Variants in MCF2L2 observed in about 807,000 individuals in gnomAD.
MCF2L2 encodes the protein MCF.2 cell line derived transforming sequence-like 2.
In MCF2L2, 102 loss-of-function variants were observed where a neutral mutation model predicts 150.2. The observed-to-expected ratio is 0.68, with a 90% CI of 0.58 to 0.80. The LOEUF is 0.80. Among genes scored for constraint, MCF2L2 ranks in the 30% least tolerant of loss-of-function variants. The pLI is 0.00. For synonymous variants in MCF2L2, 465 were observed against 491.3 expected (o/e 0.95, Z 0.71); for missense variants, 1,256 against 1,372.8 (o/e 0.91, Z 1.34).
intron 1 of MCF2L2, among the ~76,000 whole-genome samples, chr3:183,417,194 A>T (rs948976047): frequency 1.9e-4 from 29 of 151,508 alleles, no homozygotes; most frequent in African/African-American, 6.1e-4. Flanking sequence ...TGCATAGGTT[A>T]ATCATTTACA....
At position 183,206,109 on chromosome 3, in the gene MCF2L2, G is replaced by A. The variant is rs1341094529; in HGVS notation, c.2805+13C>T. The A allele has an allele frequency of 6.2e-7, 1 of 1,611,048 alleles. No individual in the cohort carries two copies. On this transcript the variant is annotated intron_variant, in intron 24 of 29. Transcript: ENST00000328913. ...AGAGTAGAGGAGACCCATGGGGAAG[G>A]CATGAGCGTTACCTGCAGGATGTAT...
intron 15 of MCF2L2, among the ~76,000 whole-genome samples, chr3:183,255,036 G>A (rs1724912146): frequency 6.6e-6 from 1 of 152,220 alleles, no homozygotes; most frequent in African/African-American, 2.4e-5. Flanking sequence ...CACCGATGTG[G>A]TAACCGCACA....
chr3:183,333,908 C>T (rs1297470157), intron 5 of MCF2L2, among the ~76,000 whole-genome samples: 4 of 146,814 alleles, frequency 2.7e-5, no homozygotes, highest in Admixed American at 7.0e-5. Context: ...TGGATCAGAG[C>T]ATGCCTGAGA....
intron 14 of MCF2L2, among the ~76,000 whole-genome samples, chr3:183,279,094 A>C (rs948676527): frequency 6.6e-6 from 1 of 152,196 alleles, no homozygotes; most frequent in Non-Finnish European, 1.5e-5. Flanking sequence ...AGGTATAGAC[A>C]GATTAGTTGT....
At chr3:183,354,389 G>A (rs574036510) in intron 3 of MCF2L2, among the ~76,000 whole-genome samples, 1 of 152,110 alleles carries the variant, frequency 6.6e-6, no homozygotes, top group South Asian at 2.1e-4. Flanking sequence ...TGAGAGTCTG[G>A]CACCTTTTAC....
chr3:183,379,102 CTTGT>C (rs768873880), intron 3 of MCF2L2, 191 bp downstream of exon 3: 10 of 522,218 alleles, frequency 1.9e-5, no homozygotes, highest in African/African-American at 4.0e-5. Flanking sequence ...AAAACTGAGG[CTTGT>C]TTGTCATTGT....
intron 1 of MCF2L2, among the ~76,000 whole-genome samples, chr3:183,392,629 C>A (rs946850964): frequency 6.6e-6 from 1 of 152,208 alleles, no homozygotes. Flanking sequence ...GCAAAGGAGC[C>A]ACATGACCCA....
intron 23 of MCF2L2, among the ~76,000 whole-genome samples, 163 bp downstream of exon 23, chr3:183,207,445 T>G (rs74649132): frequency 0.051 from 7,841 of 152,346 alleles, 304 homozygotes; most frequent in Middle Eastern, 0.11. Flanking sequence ...GCTCTGACCC[T>G]GGAGTCAGAC....
chr3:183,383,378 G>A (rs1223655407), intron 2 of MCF2L2, among the ~76,000 whole-genome samples: 2 of 152,028 alleles, frequency 1.3e-5, no homozygotes, highest in Non-Finnish European at 2.9e-5. Context: ...GAGATTACAG[G>A]TATGCACCAC....
chr3:183,243,996 C>A (rs1724142416), intron 15 of MCF2L2, among the ~76,000 whole-genome samples: 1 of 152,026 alleles, frequency 6.6e-6, no homozygotes, highest in Non-Finnish European at 1.5e-5. Flanking sequence ...TGGTGGCGGG[C>A]ACCTGTAGTC....
chr3:183,405,055 CAATAT>C (rs2108615837), intron 1 of MCF2L2, among the ~76,000 whole-genome samples: 1 of 151,952 alleles, frequency 6.6e-6, no homozygotes, highest in East Asian at 1.9e-4. Context: ...ATAGAATTTA[CAATAT>C]AATTGAATGT....
At chr3:183,379,264 G>T in intron 3 of MCF2L2, 33 bp downstream of exon 3, 1 of 1,515,586 alleles carries the variant, frequency 6.6e-7, no homozygotes, top group Non-Finnish European at 9.0e-7. Context: ...TAAAGCCAGT[G>T]CCTAAGGCGG....
At position 183,266,274 on chromosome 3, in the gene MCF2L2, G is replaced by A. The variant is rs561510958; in HGVS notation, c.1862+10598C>T. On this transcript the variant is annotated intron_variant, in intron 15 of 29. Transcript: ENST00000328913. ...AACAACTGTAGGACGTGCAAAGCAA[G>A]CTGGCATTGGAGCTTGCCGGGCACA... 16 of 152,364 alleles carry A rather than the reference G, an allele frequency of 1.1e-4. No individual in the cohort carries two copies. The East Asian group carries it at 2.9e-3, about 28-fold the overall frequency. The allele number at this position is 152,364 out of a possible 1,614,324, so 9.4% of individuals were successfully genotyped here.
chr3:183,253,721 T>C (rs1724729926), intron 15 of MCF2L2: 1 of 152,266 alleles, frequency 6.6e-6, no homozygotes. Context: ...CGGTGTCCCG[T>C]GTGGGAGGAA....
chr3:183,196,962 C>G (rs1301780247), intron 25 of MCF2L2, among the ~76,000 whole-genome samples: 1 of 152,008 alleles, frequency 6.6e-6, no homozygotes, highest in African/African-American at 2.4e-5. Context: ...ACAAACTTGT[C>G]TTTTTTTGCA....
intron 3 of MCF2L2, among the ~76,000 whole-genome samples, chr3:183,354,133 G>C (rs1209509037): frequency 6.6e-6 from 1 of 152,170 alleles, no homozygotes; most frequent in Non-Finnish European, 1.5e-5. Flanking sequence ...AACATTAAAA[G>C]AGATCTTAAG....
Position 183,224,232 on chromosome 3 carries a change from T to C in MCF2L2, c.2116-42A>G, listed in dbSNP as rs753977810. ...TAGAATAAATTAATCAGGCAGCATT[T>C]TTCAGTAAGTGGACAGGATGATACA... On this transcript the variant is annotated intron_variant, in intron 18 of 29. Transcript: ENST00000328913. 1.5e-5 allele frequency: 19 copies of C among 1,255,232 alleles called. No homozygotes were observed. The African/African-American group carries it at 2.8e-4, about 18-fold the overall frequency. 77.8% of individuals were successfully genotyped at this position (1,255,232 alleles called of 1,614,324 possible). A position where few individuals can be genotyped will look rare whatever the true frequency, so the allele number is the denominator to read the frequency against.
intron 27 of MCF2L2, among the ~76,000 whole-genome samples, chr3:183,182,890 T>C (rs1202325589): frequency 6.6e-6 from 1 of 152,212 alleles, no homozygotes. Flanking sequence ...TTGTGGGGAC[T>C]GGCTTAAGGC....
chr3:183,381,151 T>G (rs1371772861), intron 2 of MCF2L2, among the ~76,000 whole-genome samples: 1 of 152,182 alleles, frequency 6.6e-6, no homozygotes, highest in African/African-American at 2.4e-5. Flanking sequence ...GAGAAACCAC[T>G]TGAAGAGGAA....
Sources: gnomAD v4.1 joint callset for allele counts (sites outside exome capture counted in the v4.1 genomes callset) on GRCh38, gnomAD v4.1.1 for gene constraint, MANE v1.5 for transcripts, NCBI Gene and HGNC (gene_info 2026-07-23, HGNC 2026-07-21) for gene names.